ACTR3B: variants seen among roughly 807,000 people sequenced by gnomAD.
The protein encoded by ACTR3B is actin related protein 3B.
A neutral mutation model predicts 59.0 loss-of-function variants in ACTR3B; 8 were observed. The observed-to-expected ratio is 0.14, with a 90% CI of 0.08 to 0.24. The LOEUF (loss-of-function observed/expected upper bound fraction) is 0.24, where lower values mean the gene tolerates loss of function less well. Among genes scored for constraint, ACTR3B ranks in the 10% least tolerant of loss-of-function variants. The pLI is 1.00. For synonymous variants in ACTR3B, 148 were observed against 197.9 expected (o/e 0.75, Z 2.12); for missense variants, 245 against 552.3 (o/e 0.44, Z 5.58).
intron 1 of ACTR3B, among the ~76,000 whole-genome samples, chr7:152,780,493 T>A (rs2098148993): frequency 6.6e-6 from 1 of 151,890 alleles, no homozygotes; most frequent in Admixed American, 6.6e-5. Context: ...TCTAAAAGAA[T>A]GTTGTGACTT....
At chr7:152,853,620 T>C in intron 11 of ACTR3B, 43 bp downstream of exon 11, 1 of 1,564,316 alleles carries the variant, frequency 6.4e-7, no homozygotes. Flanking sequence ...ATTCCTGTGC[T>C]CTCGGTTGAG....
chr7:152,826,497 T>G (rs1474489112), intron 9 of ACTR3B, among the ~76,000 whole-genome samples: 1 of 152,214 alleles, frequency 6.6e-6, no homozygotes, highest in East Asian at 1.9e-4. Flanking sequence ...CTGCATATTC[T>G]TAAACACTTG....
At chr7:152,772,512 G>A (rs1432195580) in intron 1 of ACTR3B, among the ~76,000 whole-genome samples, 1 of 151,918 alleles carries the variant, frequency 6.6e-6, no homozygotes, top group Admixed American at 6.6e-5. Context: ...GTGACAAAGC[G>A]AGACTCTGGC....
rs550042030 is a variant in ACTR3B at position 152,841,733 on chromosome 7, C to T, written c.952-10393C>T. ...ACATTGAGAAATGAAGAGTTAGAGACTGTACACATTGGCCAAATGTACACC... is the reference window on the plus strand; with the variant it reads ...ACATTGAGAAATGAAGAGTTAGAGATTGTACACATTGGCCAAATGTACACC... On this transcript the variant is annotated intron_variant, in intron 9 of 11. Coordinates refer to ENST00000256001, the MANE Select transcript of ACTR3B (RefSeq NM_020445.6). 2.0e-4 allele frequency among the ~76,000 whole-genome samples: 30 copies of T among 152,314 alleles called. No homozygotes were observed. The East Asian group carries it at 5.8e-3, about 29-fold the overall frequency.
intron 2 of ACTR3B, among the ~76,000 whole-genome samples, chr7:152,791,194 A>C (rs1159339170): frequency 6.6e-6 from 1 of 151,860 alleles, no homozygotes; most frequent in Non-Finnish European, 1.5e-5. Context: ...TAATTTTAAT[A>C]GAGACAGGGT....
chr7:152,843,300 A>G (rs1407214323), intron 9 of ACTR3B, among the ~76,000 whole-genome samples: 1 of 152,240 alleles, frequency 6.6e-6, no homozygotes, highest in East Asian at 1.9e-4. Context: ...TTTTTCAAAG[A>G]AATTTTGTAC....
chr7:152,781,110 A>G (rs1229374785), intron 1 of ACTR3B, among the ~76,000 whole-genome samples: 1 of 151,848 alleles, frequency 6.6e-6, no homozygotes, highest in Admixed American at 6.6e-5. Context: ...GATACTCAAA[A>G]TACGAAGATG....
intron 7 of ACTR3B, among the ~76,000 whole-genome samples, chr7:152,820,695 A>C (rs1196647368): frequency 1.3e-5 from 2 of 152,264 alleles, no homozygotes; most frequent in Non-Finnish European, 2.9e-5. Context: ...GTGCAGAGGC[A>C]GCATTGTTCA....
At chr7:152,791,171 C>A (rs565029722) in intron 2 of ACTR3B, among the ~76,000 whole-genome samples, 1 of 151,838 alleles carries the variant, frequency 6.6e-6, no homozygotes, top group Admixed American at 6.6e-5. Context: ...CCACCATGCC[C>A]GGCTGATTTT....
chr7:152,805,797 T>G (rs2098250516), intron 4 of ACTR3B, among the ~76,000 whole-genome samples: 1 of 152,250 alleles, frequency 6.6e-6, no homozygotes, highest in Admixed American at 6.5e-5. Flanking sequence ...GCTTCCAGTA[T>G]GTTGTCGCCT....
At chr7:152,772,823 G>A (rs142559433) in intron 1 of ACTR3B, among the ~76,000 whole-genome samples, 4,300 of 136,324 alleles carry the variant, frequency 0.032, no homozygotes, top group East Asian at 0.075. Context: ...AATAAATACC[G>A]ACTCAACCTT....
chr7:152,805,374 C>T (rs930021447), intron 4 of ACTR3B, among the ~76,000 whole-genome samples: 3 of 152,148 alleles, frequency 2.0e-5, no homozygotes, highest in Admixed American at 6.5e-5. Context: ...GTAAAGAAGC[C>T]GAGGAGCAGC....
chr7:152,784,536 G>A (rs2116624070), intron 2 of ACTR3B, among the ~76,000 whole-genome samples: 1 of 152,298 alleles, frequency 6.6e-6, no homozygotes, highest in Non-Finnish European at 1.5e-5. Flanking sequence ...CCTGATGACA[G>A]GCATGATTGG....
At chr7:152,775,913 A>T (rs1341327444) in intron 1 of ACTR3B, among the ~76,000 whole-genome samples, 1 of 152,168 alleles carries the variant, frequency 6.6e-6, no homozygotes, top group Non-Finnish European at 1.5e-5. Flanking sequence ...TTGAATTTTG[A>T]GCTATAACAT....
intron 1 of ACTR3B, among the ~76,000 whole-genome samples, chr7:152,770,788 AGTT>A (rs1440906213): frequency 3.0e-5 from 4 of 134,496 alleles, no homozygotes; most frequent in Non-Finnish European, 4.9e-5. Flanking sequence ...CATGGCAACG[AGTT>A]GTTGTTGAGC....
chr7:152,807,530 A>C (rs1375661685), intron 4 of ACTR3B, among the ~76,000 whole-genome samples: 1 of 152,150 alleles, frequency 6.6e-6, no homozygotes, highest in African/African-American at 2.4e-5. Flanking sequence ...ACTTAAAAAG[A>C]ACTAGCAGTG....
At chr7:152,798,474 T>C (rs185707609) in intron 2 of ACTR3B, among the ~76,000 whole-genome samples, 1 of 152,348 alleles carries the variant, frequency 6.6e-6, no homozygotes, top group Admixed American at 6.5e-5. Flanking sequence ...TCTCCCATTC[T>C]ATAGATTGTC....
chr7:152,817,229 G>A (rs2689606), intron 6 of ACTR3B, among the ~76,000 whole-genome samples: 2 of 152,158 alleles, frequency 1.3e-5, no homozygotes, highest in South Asian at 2.1e-4. Context: ...TACTACAAAT[G>A]CAAAATTAGC....
chr7:152,808,817 C>T (rs576883041), intron 4 of ACTR3B, among the ~76,000 whole-genome samples: 2 of 152,308 alleles, frequency 1.3e-5, no homozygotes, highest in South Asian at 2.1e-4. Flanking sequence ...TTGAGTACTT[C>T]TATGTGCCCA....
Sources: allele counts gnomAD v4.1 joint callset (sites outside exome capture counted in the v4.1 genomes callset), GRCh38; gene constraint gnomAD v4.1.1; transcripts MANE v1.5; gene names NCBI Gene and HGNC (gene_info 2026-07-23, HGNC 2026-07-21).